SASH1: variants seen among roughly 807,000 people sequenced by gnomAD.
SASH1 encodes the protein SAM and SH3 domain-containing protein 1.
Under a neutral mutation model 125.2 loss-of-function variants are expected in SASH1, and 44 were observed. The ratio of observed to expected loss-of-function variants is 0.35; its 90% CI spans 0.28 to 0.45. SASH1 has a LOEUF of 0.45. SASH1 is among the 20% of genes least tolerant of loss of function. The pLI, the probability that SASH1 is intolerant of heterozygous loss-of-function variation, is 1.00. For missense variants in SASH1, 1,426 were observed against 1,614.5 expected (o/e 0.88, Z 2.00); for synonymous variants, 639 against 649.1 (o/e 0.98, Z 0.24).
intron 8 of SASH1, among the ~76,000 whole-genome samples, chr6:148,499,542 G>A (rs528844798): frequency 1.3e-5 from 2 of 152,286 alleles, no homozygotes; most frequent in East Asian, 1.9e-4. Flanking sequence ...AATAGATGGC[G>A]TGGTTGTGGA....
At chr6:148,521,699 T>A (rs1780822697) in intron 10 of SASH1, among the ~76,000 whole-genome samples, 2 of 152,266 alleles carry the variant, frequency 1.3e-5, no homozygotes, top group South Asian at 4.1e-4. Context: ...TTCTCACTCA[T>A]TCAGCCTCTG....
intron 4 of SASH1, among the ~76,000 whole-genome samples, chr6:148,449,078 C>CTTTTTCTTTTTTTTTTTATTTTTTTTTTT: frequency 1.1e-5 from 1 of 88,706 alleles, no homozygotes; most frequent in East Asian, 2.9e-4. Flanking sequence ...CATTTCATTT[C>CTTTTTCTTTTTTTTTTTATTTTTTTTTTT]TTTTTTTTTT....
In SASH1 at chr6:148,440,226, C is replaced by G. The variant is rs34521137; in HGVS notation, c.328C>G (p.Gln110Glu). Residue 110 changes from glutamine (Q) to glutamate (E), a missense_variant, in exon 3 of 20, where the codon CAG becomes GAG. Gln to Glu is a conservative substitution (Grantham distance 29). Coordinates refer to ENST00000367467, the MANE Select transcript of SASH1 (RefSeq NM_015278.5). The stretch of plus-strand genomic sequence containing the variant: ...CCCCACGTCACTTCAGCTGCGGTCC[C>G]AGATCGAAGTAAGCACAATGACTTT... Reference protein sequence around the residue: ...ASPTSLQLRSQIEESLGFCSA... With the variant: ...ASPTSLQLRSEIEESLGFCSA... The G allele has an allele frequency of 1.3e-3, 2,159 of 1,614,052 alleles. 28 individuals are homozygous for G. The African/African-American group carries it at 0.025, about 19-fold the overall frequency.
At chr6:148,358,871 G>A (rs537555516) in intron 1 of SASH1, among the ~76,000 whole-genome samples, 1 of 151,742 alleles carries the variant, frequency 6.6e-6, no homozygotes, top group Non-Finnish European at 1.5e-5. Flanking sequence ...GAGTAGCTGG[G>A]ACTACAAGCA....
chr6:148,532,947 C>T lies in SASH1; in HGVS notation c.1715C>T (p.Thr572Ile). The T allele has an allele frequency of 6.2e-7, 1 of 1,614,140 alleles. No homozygotes were observed. The highest frequency in any genetic ancestry group is 8.5e-7 in the Non-Finnish European group (1 of 1,179,992). Residue 572 changes from threonine to isoleucine, a missense_variant, in exon 14 of 20, where the codon ACA becomes ATA. Physicochemically the swap from Thr to Ile is moderately conservative, Grantham distance 89 (BLOSUM62 -1). Around this residue, in one of 3 missense-constraint regions of SASH1, gnomAD observed 225 missense variants for 344.5 expected, o/e 0.65. Coordinates refer to ENST00000367467, the MANE Select transcript of SASH1 (RefSeq NM_015278.5). The surrounding 1 kb of genome is among the most constrained non-coding windows in gnomAD (Gnocchi z 4.7). ...GACTTCACCCCCAGTCCCTATGACA[C>T]AGACTCACTCAAGCTCAAGGTATCT... is the stretch of plus-strand genomic sequence containing the variant. Reference protein sequence around the residue: ...HTDFTPSPYDTDSLKLKKGDI... With the variant: ...HTDFTPSPYDIDSLKLKKGDI...
chr6:148,360,930 G>T (rs1209785426), intron 1 of SASH1, among the ~76,000 whole-genome samples: 2 of 152,176 alleles, frequency 1.3e-5, no homozygotes, highest in Non-Finnish European at 2.9e-5. Flanking sequence ...CTTCTTTTCA[G>T]ATTTAGCCAA....
intron 1 of SASH1, among the ~76,000 whole-genome samples, chr6:148,273,709 C>A (rs933031128): frequency 2.0e-5 from 3 of 152,212 alleles, no homozygotes; most frequent in African/African-American, 7.2e-5. Context: ...TGGGTGCTGA[C>A]CCCTGCCTGG....
intron 2 of SASH1, among the ~76,000 whole-genome samples, chr6:148,436,269 T>C (rs1421865323): frequency 6.6e-6 from 1 of 152,098 alleles, no homozygotes; most frequent in East Asian, 1.9e-4. Flanking sequence ...GGTGGGCGGA[T>C]TGCTTGAGCC....
At chr6:148,494,634 AAAAAAC>A (rs1407084894) in intron 8 of SASH1, among the ~76,000 whole-genome samples, 7 of 152,154 alleles carry the variant, frequency 4.6e-5, no homozygotes, top group African/African-American at 7.2e-5. Flanking sequence ...TCAAAAAAAC[AAAAAAC>A]AAAAACAAAA....
At chr6:148,282,060 A>C (rs1299811286) in intron 1 of SASH1, among the ~76,000 whole-genome samples, 1 of 152,256 alleles carries the variant, frequency 6.6e-6, no homozygotes, top group African/African-American at 2.4e-5. Context: ...TGTCATGGCC[A>C]TGGAGGTAGA....
the SASH1 span, among the ~76,000 whole-genome samples, chr6:148,194,771 G>T: frequency 2.6e-5 from 4 of 152,274 alleles, no homozygotes; most frequent in East Asian, 7.7e-4. Context: ...GCCGGTTGTG[G>T]GGCGGGCTCC....
At chr6:148,335,593 G>C (rs569132796) in intron 1 of SASH1, among the ~76,000 whole-genome samples, 12 of 152,092 alleles carry the variant, frequency 7.9e-5, no homozygotes, top group African/African-American at 2.9e-4. Context: ...TCCGAAAACT[G>C]AAGCAAGAAA....
In SASH1 at chr6:148,308,274, GC is replaced by G. The variant is rs10693455; in HGVS notation, n.74+35905del. ...CCACAGTTAAAAAGATATTAAATCC[GC>G]CCCCCCCAAAAATGTATAATAATGG... On this transcript the variant is annotated intron_variant and non_coding_transcript_variant, in intron 1 of 3. Coordinates refer to the SASH1 transcript ENST00000367469. Among the ~76,000 whole-genome samples the G allele has an allele frequency of 2.7e-5, 4 of 149,936 alleles. No individual in the cohort carries two copies. The South Asian group carries it at 6.4e-4, about 24-fold the overall frequency.
intron 16 of SASH1, 57 bp downstream of exon 16, chr6:148,534,958 C>T (rs1022203375): frequency 2.4e-5 from 38 of 1,563,016 alleles, no homozygotes; most frequent in Admixed American, 1.0e-4. Flanking sequence ...GCAGGCCCCA[C>T]GTATGCTGCC....
At chr6:148,272,177 C>T (rs570584112), upstream of SASH1, 68 of 243,390 alleles carry the variant, frequency 2.8e-4, no homozygotes, top group African/African-American at 1.0e-3. Context: ...CCTCTCTTAT[C>T]GTCCTGAAGG....
the SASH1 span, among the ~76,000 whole-genome samples, chr6:148,207,192 C>G: frequency 2.0e-5 from 3 of 152,204 alleles, no homozygotes; most frequent in Non-Finnish European, 4.4e-5. Context: ...CCTGGCCCCT[C>G]CCATGCTGAT....
rs369219222 is a variant in SASH1 at position 148,298,712 on chromosome 6, A to AGGAAGGAAG, written n.74+26336_74+26337insGAAGGAAGG. ...AAGGAAGGAAGGAAGGAAGGAAGGA[A>AGGAAGGAAG]GAAGGAAGGGAAAGGAGGGAGGGAG... is the stretch of plus-strand genomic sequence containing the variant. On this transcript the variant is annotated intron_variant and non_coding_transcript_variant, in intron 1 of 3. Coordinates refer to the SASH1 transcript ENST00000367469. 2.8e-3 allele frequency among the ~76,000 whole-genome samples: 166 copies of AGGAAGGAAG among 58,776 alleles called. 2 individuals are homozygous for AGGAAGGAAG. The highest frequency in any genetic ancestry group is 6.7e-3 in the African/African-American group (99 of 14,856). The allele number at this position is 58,776 out of a possible 152,430, so 38.6% of individuals were successfully genotyped here.
chr6:148,245,961 C>T, the SASH1 span, among the ~76,000 whole-genome samples: 6 of 148,322 alleles, frequency 4.0e-5, no homozygotes, highest in African/African-American at 1.5e-4. Context: ...CCAGCCTGGG[C>T]GACAGAACCA....
At position 148,549,281 on chromosome 6, in the gene SASH1, G is replaced by A. The variant is rs540193632; in HGVS notation, c.*723G>A. On this transcript the variant is annotated 3_prime_UTR_variant, in exon 20 of 20. Coordinates refer to ENST00000367467, the MANE Select transcript of SASH1 (RefSeq NM_015278.5). The stretch of plus-strand genomic sequence containing the variant: ...CCAGCAAAAGTGAGCTTTTCTAATC[G>A]TCTCATTGTAACATGGCTTATTTTG... 46 of 232,562 alleles carry A rather than the reference G, an allele frequency of 2.0e-4. 1 individual carries two copies. In the Middle Eastern group the frequency reaches 5.4e-3, roughly 27 times the overall value. 14.4% of individuals were successfully genotyped at this position (232,562 alleles called of 1,614,324 possible).
Sources: gnomAD v4.1 joint callset for allele counts (sites outside exome capture counted in the v4.1 genomes callset) on GRCh38, gnomAD v4.1.1 for gene constraint, gnomAD v4.1.1 regional missense constraint, Gnocchi (gnomAD v3.1) non-coding constraint, MANE v1.5 for transcripts, NCBI Gene and HGNC (gene_info 2026-07-23, HGNC 2026-07-21) for gene names.